The following SMAP1 variants were observed in gnomAD, a reference collection of about 807,000 sequenced individuals.
SMAP1 encodes the protein small ArfGAP 1, also known as stromal membrane-associated protein 1.
In SMAP1, 24 loss-of-function variants were observed where a neutral mutation model predicts 58.5. That is an observed-to-expected ratio of 0.41 (90% CI 0.30 to 0.58). The LOEUF (loss-of-function observed/expected upper bound fraction) is 0.58. Ranked by LOEUF, SMAP1 falls within the 20% of genes least tolerant of loss-of-function variation. The pLI, the probability that SMAP1 is intolerant of heterozygous loss-of-function variation, is 0.29. For synonymous variants in SMAP1, 216 were observed against 196.6 expected (o/e 1.10, Z -0.82); for missense variants, 563 against 566.3 (o/e 0.99, Z 0.06).
chr6:70,846,187 G>A (rs1770981476), intron 7 of SMAP1, among the ~76,000 whole-genome samples: 1 of 152,170 alleles, frequency 6.6e-6, no homozygotes, highest in Admixed American at 6.5e-5. Flanking sequence ...CAAAAATAGT[G>A]TCATTATTTC....
intron 1 of SMAP1, among the ~76,000 whole-genome samples, chr6:70,688,263 CATTTTTGTATAG>C (rs1767013414): frequency 6.6e-6 from 1 of 152,098 alleles, no homozygotes; most frequent in Non-Finnish European, 1.5e-5. Context: ...CTGCTGTTAA[CATTTTTGTATAG>C]ATTTTTGTGT....
At chr6:70,761,991 A>C (rs1353334248) in intron 3 of SMAP1, among the ~76,000 whole-genome samples, 1 of 152,108 alleles carries the variant, frequency 6.6e-6, no homozygotes, top group Non-Finnish European at 1.5e-5. Flanking sequence ...GCTAACCTAA[A>C]GGTCACAATA....
intron 6 of SMAP1, among the ~76,000 whole-genome samples, chr6:70,817,134 A>AT (rs1276721136): frequency 4.1e-5 from 6 of 145,790 alleles, no homozygotes; most frequent in Admixed American, 1.4e-4. Flanking sequence ...ATATATATAT[A>AT]TATATTTTTT....
intron 5 of SMAP1, among the ~76,000 whole-genome samples, chr6:70,796,294 A>G (rs1328147259): frequency 6.6e-6 from 1 of 152,200 alleles, no homozygotes; most frequent in Non-Finnish European, 1.5e-5. Context: ...ATAAATATCA[A>G]AGCTCCACTG....
Position 70,732,466 on chromosome 6 carries a change from G to C in SMAP1, c.207G>C (p.Arg69Ser). The stretch of plus-strand genomic sequence containing the variant: ...GAAATCTTGGGGTTCATATATCCAG[G>C]GTCAAATCAGTCAACCTAGACCAAT... ...IHRNLGVHIS[R>S]VKSVNLDQWT... Residue 69 changes from arginine to serine, a missense_variant, in exon 2 of 11, where the codon AGG becomes AGC. Arg to Ser is a moderately radical substitution (Grantham distance 110). This residue lies in a region of SMAP1 where 17 missense variants were observed against 45.9 expected (regional missense o/e 0.37). Coordinates refer to ENST00000370455, the MANE Select transcript of SMAP1 (RefSeq NM_001044305.3). 1 of 1,611,712 alleles carries C rather than the reference G, an allele frequency of 6.2e-7. No homozygotes were observed. Among genetic ancestry groups the C allele is most frequent in the Non-Finnish European group, 8.5e-7 (1 of 1,178,666 alleles).
chr6:70,687,678 A>T (rs1420071708), intron 1 of SMAP1, among the ~76,000 whole-genome samples: 1 of 152,214 alleles, frequency 6.6e-6, no homozygotes, highest in Non-Finnish European at 1.5e-5. Context: ...TTAAAAAAAT[A>T]CATAGACACT....
chr6:70,858,244 C>T lies in SMAP1; in HGVS notation c.1269+15C>T. 1 of 1,219,526 alleles carries T rather than the reference C, an allele frequency of 8.2e-7. No individual in the cohort carries two copies. The highest frequency in any genetic ancestry group is 1.1e-6 in the Non-Finnish European group (1 of 885,300). 75.5% of individuals were successfully genotyped at this position (1,219,526 alleles called of 1,614,324 possible). The stretch of plus-strand genomic sequence containing the variant: ...GCCTCTCACAGGTAGGGGTCATTTA[C>T]TTTCTAGCTTCTCCCAAATCAAACC... On this transcript the variant is annotated intron_variant, in intron 10 of 10. Transcript: ENST00000370455.
intron 7 of SMAP1, among the ~76,000 whole-genome samples, chr6:70,839,590 A>C (rs1770725178): frequency 6.6e-6 from 1 of 152,190 alleles, no homozygotes; most frequent in African/African-American, 2.4e-5. Flanking sequence ...GTTTGTGAAA[A>C]AAGGTTAAGA....
intron 2 of SMAP1, among the ~76,000 whole-genome samples, chr6:70,744,930 T>C (rs1025617381): frequency 6.6e-6 from 1 of 152,254 alleles, no homozygotes; most frequent in African/African-American, 2.4e-5. Flanking sequence ...CCAGTGATAA[T>C]GAGCATTTTT....
In SMAP1 at chr6:70,861,678, C is replaced by T; in HGVS notation, c.*1344C>T. 1.9e-6 allele frequency: 3 copies of T among 1,613,654 alleles called. No homozygotes were observed. ...CTGCTTCAATTTATACCTCAATTTTCACTGTGTCCAGGTGGTACTTTGGCT... is the reference window on the plus strand; with the variant it reads ...CTGCTTCAATTTATACCTCAATTTTTACTGTGTCCAGGTGGTACTTTGGCT... On this transcript the variant is annotated 3_prime_UTR_variant, in exon 11 of 11. Coordinates refer to ENST00000370455, the MANE Select transcript of SMAP1 (RefSeq NM_001044305.3).
chr6:70,771,215 G>C (rs1767288650), intron 3 of SMAP1, among the ~76,000 whole-genome samples: 1 of 152,238 alleles, frequency 6.6e-6, no homozygotes, highest in Non-Finnish European at 1.5e-5. Context: ...GGACCCACTT[G>C]AGGAGGCAGT....
intron 6 of SMAP1, among the ~76,000 whole-genome samples, chr6:70,813,942 T>A (rs1365661378): frequency 6.6e-6 from 1 of 152,202 alleles, no homozygotes; most frequent in Non-Finnish European, 1.5e-5. Flanking sequence ...GTTTAATCCT[T>A]AATTCATCTG....
chr6:70,827,031 A>G (rs908684994), intron 6 of SMAP1, among the ~76,000 whole-genome samples: 3 of 151,962 alleles, frequency 2.0e-5, no homozygotes, highest in African/African-American at 7.2e-5. Context: ...AAGATTCTTA[A>G]ATATGCGTCT....
chr6:70,683,284 C>T (rs969964629), intron 1 of SMAP1, among the ~76,000 whole-genome samples: 2 of 150,908 alleles, frequency 1.3e-5, no homozygotes, highest in Non-Finnish European at 2.9e-5. Context: ...AGTTTTCTGC[C>T]TCAGCCTTTG....
chr6:70,767,922 C>T (rs1186010211), intron 3 of SMAP1, among the ~76,000 whole-genome samples: 3 of 145,412 alleles, frequency 2.1e-5, no homozygotes, highest in South Asian at 2.3e-4. Context: ...TGAGATACGT[C>T]CCACCAATAC....
At chr6:70,783,133 C>A (rs1057219737) in intron 4 of SMAP1, among the ~76,000 whole-genome samples, 1 of 152,156 alleles carries the variant, frequency 6.6e-6, no homozygotes, top group African/African-American at 2.4e-5. Flanking sequence ...TCATGAAAAT[C>A]CGCTGTTCTA....
intron 1 of SMAP1, among the ~76,000 whole-genome samples, chr6:70,688,507 C>T (rs1036114600): frequency 1.3e-5 from 2 of 152,122 alleles, no homozygotes; most frequent in African/African-American, 4.8e-5. Flanking sequence ...TGTGTTGTAA[C>T]AGTGATATTG....
chr6:70,758,376 G>T (rs1242125279), intron 3 of SMAP1, among the ~76,000 whole-genome samples: 3 of 118,910 alleles, frequency 2.5e-5, no homozygotes, highest in African/African-American at 6.3e-5. Context: ...GTGGTGGGGT[G>T]GGGGGAGGGG....
At chr6:70,723,627 G>A (rs867353463) in intron 1 of SMAP1, among the ~76,000 whole-genome samples, 8 of 152,006 alleles carry the variant, frequency 5.3e-5, no homozygotes, top group Middle Eastern at 3.2e-3. Flanking sequence ...TTTGCTTATT[G>A]TATACTGCCT....
Sources: gnomAD v4.1 joint callset for allele counts (sites outside exome capture counted in the v4.1 genomes callset) on GRCh38, gnomAD v4.1.1 for gene constraint, gnomAD v4.1.1 regional missense constraint, MANE v1.5 for transcripts, NCBI Gene and HGNC (gene_info 2026-07-23, HGNC 2026-07-21) for gene names.